Variants in RAB3C observed in about 807,000 individuals in gnomAD.
The protein encoded by RAB3C is RAB3C, member RAS oncogene family, also known as ras-related protein Rab-3C.
RAB3C carries 17 observed loss-of-function variants against 26.4 expected under a neutral mutation model. That is an observed-to-expected ratio of 0.64 (90% CI 0.44 to 0.97). RAB3C has a LOEUF of 0.97. Among genes scored for constraint, RAB3C ranks in the 50% least tolerant of loss-of-function variants. The pLI is 0.00. For missense variants in RAB3C, 242 were observed against 281.9 expected (o/e 0.86, Z 1.01); for synonymous variants, 91 against 95.9 (o/e 0.95, Z 0.30).
chr5:58,832,766 A>G (rs1516429), intron 4 of RAB3C, among the ~76,000 whole-genome samples: 102,196 of 152,062 alleles, frequency 0.67, 35,443 homozygotes, highest in African/African-American at 0.84. Flanking sequence ...CTCCCTAGGC[A>G]TAATAAATAG....
At chr5:58,657,159 T>C (rs987663328) in intron 2 of RAB3C, among the ~76,000 whole-genome samples, 3 of 152,148 alleles carry the variant, frequency 2.0e-5, no homozygotes, top group Non-Finnish European at 4.4e-5. Context: ...TTGTATGTTC[T>C]CACTGATATG....
rs1261396132 is a variant in RAB3C at position 58,852,754 on chromosome 5, T to C, written c.*1403T>C. On this transcript the variant is annotated 3_prime_UTR_variant, in exon 5 of 5. Coordinates refer to ENST00000282878, the MANE Select transcript of RAB3C (RefSeq NM_138453.4). ...TGGCCTCTGTATCACTGTCCAGCAT[T>C]ATTTAAAGCTAGGATTTAGGAAGGA... The C allele has an allele frequency of 6.6e-6, 1 of 152,224 alleles. No individual in the cohort carries two copies. The highest frequency in any genetic ancestry group is 1.9e-4 in the East Asian group (1 of 5,190). The allele number at this position is 152,224 out of a possible 1,614,324, so 9.4% of individuals were successfully genotyped here.
intron 2 of RAB3C, among the ~76,000 whole-genome samples, chr5:58,700,667 C>T (rs999059546): frequency 6.6e-6 from 1 of 152,190 alleles, no homozygotes; most frequent in Non-Finnish European, 1.5e-5. Context: ...CTTTGCAAAA[C>T]ATCATCATTA....
chr5:58,815,719 T>A (rs916990432), intron 3 of RAB3C: 1 of 152,212 alleles, frequency 6.6e-6, no homozygotes, highest in Admixed American at 6.5e-5. Flanking sequence ...TAATTCTACA[T>A]TACTGTTTGA....
At chr5:58,830,690 A>G (rs746464594) in intron 4 of RAB3C, among the ~76,000 whole-genome samples, 63 of 152,224 alleles carry the variant, frequency 4.1e-4, no homozygotes, top group Non-Finnish European at 5.6e-4. Flanking sequence ...CATTGACTAC[A>G]CTGTGAAATC....
chr5:58,668,867 C>T (rs904890948), intron 2 of RAB3C, among the ~76,000 whole-genome samples: 7 of 152,078 alleles, frequency 4.6e-5, no homozygotes, highest in Admixed American at 4.6e-4. Flanking sequence ...GACTGGGTGG[C>T]TTACGCAACA....
At chr5:58,770,138 A>C (rs1389911230) in intron 3 of RAB3C, among the ~76,000 whole-genome samples, 2 of 152,144 alleles carry the variant, frequency 1.3e-5, no homozygotes, top group Non-Finnish European at 2.9e-5. Flanking sequence ...ATGCTTAATT[A>C]ATGAACCACC....
intron 1 of RAB3C, among the ~76,000 whole-genome samples, chr5:58,608,008 G>A (rs1477685587): frequency 6.6e-6 from 1 of 152,160 alleles, no homozygotes; most frequent in Non-Finnish European, 1.5e-5. Context: ...TCAATGCTAT[G>A]AAGAAACTGC....
chr5:58,812,369 C>T (rs1743113812), intron 3 of RAB3C, among the ~76,000 whole-genome samples: 1 of 152,088 alleles, frequency 6.6e-6, no homozygotes, highest in African/African-American at 2.4e-5. Context: ...GATCTCAGGC[C>T]CCACCCCAGA....
intron 2 of RAB3C, among the ~76,000 whole-genome samples, chr5:58,632,517 A>T (rs1252635272): frequency 6.6e-6 from 1 of 152,154 alleles, no homozygotes; most frequent in Non-Finnish European, 1.5e-5. Flanking sequence ...GGCTGAAGGG[A>T]GGTCTACTTC....
chr5:58,857,620 A>T lies in RAB3C; in HGVS notation c.*6269A>T, dbSNP rs1394083649. 1 of 152,152 alleles carries T rather than the reference A, an allele frequency of 6.6e-6. No homozygotes were observed. Among genetic ancestry groups the T allele is most frequent in the African/African-American group, 2.4e-5 (1 of 41,434 alleles). 9.4% of individuals were successfully genotyped at this position (152,152 alleles called of 1,614,324 possible). On this transcript the variant is annotated 3_prime_UTR_variant, in exon 5 of 5. Coordinates refer to ENST00000282878, the MANE Select transcript of RAB3C (RefSeq NM_138453.4). The stretch of plus-strand genomic sequence containing the variant: ...TTATTGTTACTCAATCTTGTATTTT[A>T]TTTACAAATTCAACACTGTCAACCC...
chr5:58,656,902 A>G (rs1217534883), intron 2 of RAB3C, among the ~76,000 whole-genome samples: 1 of 152,228 alleles, frequency 6.6e-6, no homozygotes, highest in Non-Finnish European at 1.5e-5. Context: ...CCAGAGGAAA[A>G]GAAGTCATTA....
intron 3 of RAB3C, among the ~76,000 whole-genome samples, chr5:58,737,424 T>C (rs1579889299): frequency 3.6e-5 from 4 of 111,608 alleles, no homozygotes; most frequent in Admixed American, 2.8e-4. Context: ...TATATATATA[T>C]ATATATATAT....
chr5:58,582,579 C>A (rs1055729407), upstream of RAB3C, among the ~76,000 whole-genome samples: 2 of 152,130 alleles, frequency 1.3e-5, no homozygotes, highest in African/African-American at 4.8e-5. Context: ...TCGTCTTTCT[C>A]CCCTACGTTT....
At chr5:58,672,135 G>A (rs1748131126) in intron 2 of RAB3C, among the ~76,000 whole-genome samples, 1 of 152,140 alleles carries the variant, frequency 6.6e-6, no homozygotes, top group Non-Finnish European at 1.5e-5. Flanking sequence ...ACTAAAAGTA[G>A]ACTGTTTCAA....
At chr5:58,774,460 G>C (rs574442689) in intron 3 of RAB3C, among the ~76,000 whole-genome samples, 129 of 152,232 alleles carry the variant, frequency 8.5e-4, no homozygotes, top group South Asian at 3.5e-3. Flanking sequence ...AGTATGTCCT[G>C]AGCAACTTTT....
intron 2 of RAB3C, among the ~76,000 whole-genome samples, chr5:58,669,355 C>G (rs1748066633): frequency 6.6e-6 from 1 of 152,112 alleles, no homozygotes; most frequent in Admixed American, 6.6e-5. Context: ...GATGCAACCT[C>G]ATGTTCAAAG....
At chr5:58,788,373 G>T (rs893978741) in intron 3 of RAB3C, 2 of 152,230 alleles carry the variant, frequency 1.3e-5, no homozygotes, top group Non-Finnish European at 2.9e-5. Context: ...CTCCTGCCAG[G>T]TAAGTCCTGT....
intron 3 of RAB3C, among the ~76,000 whole-genome samples, chr5:58,755,199 G>A (rs548414714): frequency 6.6e-6 from 1 of 152,364 alleles, no homozygotes; most frequent in East Asian, 1.9e-4. Flanking sequence ...AAGATACTGA[G>A]AGACAGTGCT....
Sources: gnomAD v4.1 joint callset for allele counts (sites outside exome capture counted in the v4.1 genomes callset) on GRCh38, gnomAD v4.1.1 for gene constraint, MANE v1.5 for transcripts, NCBI Gene and HGNC (gene_info 2026-07-23, HGNC 2026-07-21) for gene names.